EYA1: variants seen among roughly 807,000 people sequenced by gnomAD.
EYA1 encodes the protein EYA transcriptional coactivator and phosphatase 1.
In EYA1, 16 loss-of-function variants were observed where a neutral mutation model predicts 82.0. The ratio of observed to expected loss-of-function variants is 0.20; its 90% confidence interval spans 0.13 to 0.30. The LOEUF (loss-of-function observed/expected upper bound fraction) is 0.30, where lower values mean the gene tolerates loss of function less well. Ranked by LOEUF, EYA1 falls within the 10% of genes least tolerant of loss-of-function variation. EYA1 has a pLI of 1.00. For synonymous variants in EYA1, 261 were observed against 264.4 expected (o/e 0.99, Z 0.12); for missense variants, 633 against 730.7 (o/e 0.87, Z 1.54).
intron 2 of EYA1, among the ~76,000 whole-genome samples, chr8:71,400,099 A>G (rs894363837): frequency 1.1e-4 from 16 of 152,172 alleles, no homozygotes; most frequent in Admixed American, 8.5e-4. Flanking sequence ...CCACATGCAG[A>G]AAATTGAAAC....
chr8:71,439,375 G>A lies in EYA1; in HGVS notation c.34-82864C>T, dbSNP rs925657246. ...CCCAGTCACTATAAGTTGGAGGTGG[G>A]GGTAAAGGGGGTATGGAAAGAAACT... On this transcript the variant is annotated intron_variant, in intron 2 of 18. Transcript: ENST00000643681. Among the ~76,000 whole-genome samples the A allele has an allele frequency of 7.1e-4, 108 of 152,206 alleles. 1 individual carries two copies. The highest frequency in any genetic ancestry group is 2.5e-3 in the African/African-American group (103 of 41,536).
At chr8:71,293,413 G>A (rs1232778148) in intron 9 of EYA1, among the ~76,000 whole-genome samples, 2 of 152,062 alleles carry the variant, frequency 1.3e-5, no homozygotes, top group African/African-American at 4.8e-5. Flanking sequence ...GAAGCAGAGG[G>A]AACATTTTGT....
chr8:71,393,059 A>G (rs1036687773), intron 2 of EYA1, among the ~76,000 whole-genome samples: 2 of 152,174 alleles, frequency 1.3e-5, no homozygotes, highest in Admixed American at 1.3e-4. Context: ...AACACATACA[A>G]AAATGCCTAT....
intron 11 of EYA1, among the ~76,000 whole-genome samples, chr8:71,250,411 G>T (rs1813612614): frequency 6.6e-6 from 1 of 152,136 alleles, no homozygotes; most frequent in African/African-American, 2.4e-5. Context: ...CCCTTTCCCA[G>T]TTCCGCAGCT....
chr8:71,439,502 T>C (rs1276127415), intron 2 of EYA1, among the ~76,000 whole-genome samples: 2 of 152,228 alleles, frequency 1.3e-5, no homozygotes, highest in Admixed American at 1.3e-4. Flanking sequence ...CTGTTAAATG[T>C]CTGAGCATGA....
intron 2 of EYA1, among the ~76,000 whole-genome samples, chr8:71,436,547 A>G (rs1035045880): frequency 5.9e-5 from 9 of 152,176 alleles, no homozygotes; most frequent in African/African-American, 1.7e-4. Context: ...AAATTGGCAG[A>G]GTGTTAACTG....
intron 2 of EYA1, among the ~76,000 whole-genome samples, chr8:71,387,704 C>T (rs1487960775): frequency 6.6e-6 from 1 of 152,054 alleles, no homozygotes; most frequent in Non-Finnish European, 1.5e-5. Context: ...TTTTAGAAAA[C>T]ATGCCACATA....
intron 1 of EYA1, among the ~76,000 whole-genome samples, chr8:71,360,547 G>T (rs2129077193): frequency 6.6e-6 from 1 of 152,302 alleles, no homozygotes; most frequent in African/African-American, 2.4e-5. Context: ...AAAATCCATG[G>T]CTGCTTGCTC....
chr8:71,382,635 G>A (rs1828769759), intron 2 of EYA1, among the ~76,000 whole-genome samples: 1 of 151,996 alleles, frequency 6.6e-6, no homozygotes, highest in South Asian at 2.1e-4. Flanking sequence ...TTTTCTCATT[G>A]ACTAGTAAAG....
chr8:71,225,209 G>A, intron 12 of EYA1: 1 of 456,230 alleles, frequency 2.2e-6, no homozygotes, highest in Non-Finnish European at 4.4e-6. Flanking sequence ...AGCCCTCACT[G>A]TGCTTTCAAA....
At position 71,199,364 on chromosome 8, in the gene EYA1, A is replaced by G. The variant is rs10103397; in HGVS notation, c.1755T>C (p.His585=). 548,557 of 1,610,680 alleles carry G rather than the reference A, an allele frequency of 0.34. 100,999 individuals are homozygous for G. Among genetic ancestry groups the G allele is most frequent in the East Asian group, 0.78 (35,077 of 44,798 alleles). ...GTTACAGGTACTCCAGTTCCAAGGCATGGTGCAGGGCCATGAGGTCCGAGT... is the reference window on the plus strand; with the variant it reads ...GTTACAGGTACTCCAGTTCCAAGGCGTGGTGCAGGGCCATGAGGTCCGAGT... ...SSHSDLMALH[H]ALELEYL Residue 585 remains histidine (H), a synonymous_variant, in exon 18 of 18, where the codon CAT becomes CAC. Transcript: ENST00000340726.
chr8:71,418,141 T>C (rs948538234), intron 2 of EYA1, among the ~76,000 whole-genome samples: 2 of 152,208 alleles, frequency 1.3e-5, no homozygotes, highest in African/African-American at 4.8e-5. Context: ...ATCCTAAGGA[T>C]AAATGTGATC....
intron 2 of EYA1, among the ~76,000 whole-genome samples, chr8:71,371,918 C>A (rs758082523): frequency 1.3e-5 from 2 of 151,596 alleles, no homozygotes; most frequent in African/African-American, 2.4e-5. Flanking sequence ...GAGAAGAGAG[C>A]AAGAAGAGAT....
intron 2 of EYA1, among the ~76,000 whole-genome samples, chr8:71,407,742 C>T (rs912929855): frequency 7.6e-6 from 1 of 131,592 alleles, no homozygotes; most frequent in African/African-American, 2.8e-5. Flanking sequence ...AAATCTACAT[C>T]TGATTGGTGT....
chr8:71,418,522 G>A (rs774347823), intron 2 of EYA1, among the ~76,000 whole-genome samples: 14 of 151,688 alleles, frequency 9.2e-5, no homozygotes, highest in East Asian at 1.9e-4. Flanking sequence ...ACACAAACTG[G>A]TCTTAATTTA....
chr8:71,472,463 T>A (rs748549103), intron 2 of EYA1, among the ~76,000 whole-genome samples: 1 of 152,108 alleles, frequency 6.6e-6, no homozygotes, highest in South Asian at 2.1e-4. Flanking sequence ...GAATTAAAAA[T>A]AGGTCAAGGC....
intron 12 of EYA1, among the ~76,000 whole-genome samples, chr8:71,220,307 T>C (rs1307854784): frequency 2.0e-5 from 3 of 152,344 alleles, no homozygotes; most frequent in Non-Finnish European, 1.5e-5. Flanking sequence ...GAAATCATTA[T>C]TGAATCCAAA....
intron 2 of EYA1, among the ~76,000 whole-genome samples, chr8:71,520,941 G>C (rs1813349725): frequency 6.6e-6 from 1 of 151,872 alleles, no homozygotes; most frequent in Non-Finnish European, 1.5e-5. Context: ...AATATATTCT[G>C]GTTCCCAAAG....
chr8:71,199,046 C>A lies in EYA1; in HGVS notation c.*294G>T. 2.2e-6 allele frequency: 1 copy of A among 453,458 alleles called. No homozygotes were observed. Among genetic ancestry groups the A allele is most frequent in the South Asian group, 2.3e-5 (1 of 44,370 alleles). 28.1% of individuals were successfully genotyped at this position (453,458 alleles called of 1,614,324 possible). Reference sequence around the variant, plus strand: ...GCTAACAACTGAAGCGTTTGCAGGTCCTTTCTTCACAGGTTTGAACCGTGT... The same window carrying A: ...GCTAACAACTGAAGCGTTTGCAGGTACTTTCTTCACAGGTTTGAACCGTGT... On this transcript the variant is annotated 3_prime_UTR_variant, in exon 18 of 18. Transcript: ENST00000340726.
Sources: allele counts gnomAD v4.1 joint callset (sites outside exome capture counted in the v4.1 genomes callset), GRCh38; gene constraint gnomAD v4.1.1; transcripts MANE v1.5; gene names NCBI Gene and HGNC (gene_info 2026-07-23, HGNC 2026-07-21).